The following SCD5 variants were observed in gnomAD, a reference collection of about 807,000 sequenced individuals.
SCD5 encodes stearoyl-CoA desaturase 5, also known as acyl-CoA-desaturase 4.
A neutral mutation model predicts 30.4 loss-of-function variants in SCD5; 20 were observed. The observed-to-expected ratio is 0.66, with a 90% CI of 0.46 to 0.96. The LOEUF (loss-of-function observed/expected upper bound fraction) is 0.96, where lower values mean the gene tolerates loss of function less well. SCD5 is among the 40% of genes least tolerant of loss of function. The pLI is 0.00. For missense variants in SCD5, 381 were observed against 443.3 expected, an observed-to-expected ratio of 0.86 and a Z score of 1.26; for synonymous variants, 173 against 176.4, an observed-to-expected ratio of 0.98 and a Z score of 0.16.
chr4:82,792,010 C>G (rs530479220), intron 1 of SCD5, among the ~76,000 whole-genome samples: 1 of 152,294 alleles, frequency 6.6e-6, no homozygotes, highest in Non-Finnish European at 1.5e-5. Flanking sequence ...ATAATCCCAG[C>G]ACTTTGGGAG....
rs78416651 is a variant in SCD5, at chr4:82,762,788, A to T, written c.232+35518T>A. 5.3e-3 allele frequency among the ~76,000 whole-genome samples: 811 copies of T among 152,308 alleles called. 6 individuals carry two copies. The highest frequency in any genetic ancestry group is 0.019 in the African/African-American group (776 of 41,562). On this transcript the variant is annotated intron_variant, in intron 1 of 4. Coordinates refer to ENST00000319540, the MANE Select transcript of SCD5 (RefSeq NM_001037582.3). ...TCTTTCATTAATTCAAAAGGAAAAA[A>T]ATATAGTGACACTTTAATTAACAAA...
chr4:82,747,059 T>G (rs1273004814), intron 1 of SCD5, among the ~76,000 whole-genome samples: 2 of 99,824 alleles, frequency 2.0e-5, no homozygotes, highest in Non-Finnish European at 5.2e-5. Context: ...GAGAAAAGTC[T>G]GGGCAACCTG....
intron 2 of SCD5, among the ~76,000 whole-genome samples, chr4:82,695,747 A>G (rs1719683801): frequency 6.6e-6 from 1 of 152,118 alleles, no homozygotes; most frequent in South Asian, 2.1e-4. Context: ...GTATGTTCTA[A>G]TCATTCCTCT....
intron 3 of SCD5, among the ~76,000 whole-genome samples, chr4:82,675,661 G>A (rs1195483562): frequency 6.6e-6 from 1 of 152,182 alleles, no homozygotes; most frequent in African/African-American, 2.4e-5. Flanking sequence ...AACCTCTAGA[G>A]GAATGTCTTC....
intron 3 of SCD5, among the ~76,000 whole-genome samples, chr4:82,662,345 G>A (rs1560527181): frequency 6.6e-6 from 1 of 151,978 alleles, no homozygotes; most frequent in Non-Finnish European, 1.5e-5. Flanking sequence ...GAGCCACCAC[G>A]CCCAGCTATC....
chr4:82,761,318 C>T (rs915935697), intron 1 of SCD5, among the ~76,000 whole-genome samples: 22 of 152,174 alleles, frequency 1.4e-4, no homozygotes, highest in Non-Finnish European at 2.6e-4. Flanking sequence ...TTGTCTTCTC[C>T]CTTCTAAGCT....
intron 1 of SCD5, among the ~76,000 whole-genome samples, chr4:82,792,901 G>A (rs2148854797): frequency 6.6e-6 from 1 of 152,252 alleles, no homozygotes; most frequent in East Asian, 1.9e-4. Flanking sequence ...TCATTTCATG[G>A]TCACAGTGCC....
chr4:82,753,814 A>C (rs1455773909), intron 1 of SCD5, among the ~76,000 whole-genome samples: 1 of 152,054 alleles, frequency 6.6e-6, no homozygotes, highest in Non-Finnish European at 1.5e-5. Context: ...ATGAAAATCC[A>C]ACTGAGAGGG....
chr4:82,726,762 A>G (rs959445904), intron 1 of SCD5, among the ~76,000 whole-genome samples: 1 of 152,190 alleles, frequency 6.6e-6, no homozygotes, highest in Non-Finnish European at 1.5e-5. Flanking sequence ...CTGTGAGGCC[A>G]CAGTGTGCAG....
Position 82,752,732 on chromosome 4 carries a change from C to A in SCD5, c.232+45574G>T, listed in dbSNP as rs1108017. Among the ~76,000 whole-genome samples the A allele has an allele frequency of 6.5e-3, 995 of 152,246 alleles. 8 individuals carry two copies. Among genetic ancestry groups the A allele is most frequent in the Middle Eastern group, 0.024 (7 of 294 alleles). ...TGAGCACACACACATCCACTCAGTT[C>A]TTTCACGCTTCTCTCTCTTCCCCAT... is the stretch of plus-strand genomic sequence containing the variant. On this transcript the variant is annotated intron_variant, in intron 1 of 4. Coordinates refer to ENST00000319540, the MANE Select transcript of SCD5 (RefSeq NM_001037582.3).
At chr4:82,743,178 C>T (rs1319837217) in intron 1 of SCD5, among the ~76,000 whole-genome samples, 2 of 152,126 alleles carry the variant, frequency 1.3e-5, no homozygotes, top group Non-Finnish European at 2.9e-5. Context: ...TGAGACAGAG[C>T]TTGTAACTTA....
intron 1 of SCD5, among the ~76,000 whole-genome samples, chr4:82,746,835 GA>G (rs1720993957): frequency 6.6e-6 from 1 of 152,108 alleles, no homozygotes; most frequent in Admixed American, 6.5e-5. Context: ...ACCCAAGCGA[GA>G]ATAGGCACTC....
At chr4:82,789,967 G>T (rs2148854021) in intron 1 of SCD5, among the ~76,000 whole-genome samples, 1 of 152,220 alleles carries the variant, frequency 6.6e-6, no homozygotes, top group Non-Finnish European at 1.5e-5. Context: ...TAGTGTATTT[G>T]TTTGTTAGTA....
At chr4:82,756,360 T>C (rs560088537) in intron 1 of SCD5, among the ~76,000 whole-genome samples, 5 of 152,312 alleles carry the variant, frequency 3.3e-5, no homozygotes, top group Admixed American at 2.0e-4. Flanking sequence ...TGAGTCCCAG[T>C]TGGTTACTTG....
chr4:82,768,247 T>A (rs1578060204), intron 1 of SCD5, among the ~76,000 whole-genome samples: 1 of 152,330 alleles, frequency 6.6e-6, no homozygotes, highest in South Asian at 2.1e-4. Flanking sequence ...TTAAGGGACA[T>A]TTGCTGGCTT....
chr4:82,678,096 G>A (rs896661756), intron 3 of SCD5, among the ~76,000 whole-genome samples: 1 of 151,918 alleles, frequency 6.6e-6, no homozygotes, highest in East Asian at 1.9e-4. Context: ...AGTTTAGAAC[G>A]TGTTCTAAAC....
At chr4:82,764,333 T>C (rs35518507) in intron 1 of SCD5, among the ~76,000 whole-genome samples, 14,654 of 152,268 alleles carry the variant, frequency 0.096, 731 homozygotes, top group South Asian at 0.12. Flanking sequence ...CATTTGGTGC[T>C]ATTATTAATA....
At chr4:82,684,778 G>C (rs1327384922) in intron 2 of SCD5, among the ~76,000 whole-genome samples, 1 of 152,142 alleles carries the variant, frequency 6.6e-6, no homozygotes, top group African/African-American at 2.4e-5. Context: ...TTTGCATGGT[G>C]CTGATAGCTC....
intron 3 of SCD5, among the ~76,000 whole-genome samples, chr4:82,638,017 C>T (rs1351257298): frequency 6.6e-6 from 1 of 152,082 alleles, no homozygotes; most frequent in African/African-American, 2.4e-5. Flanking sequence ...ACTGACAGGC[C>T]CCAGTGTGTG....
Sources: gnomAD v4.1 joint callset for allele counts (sites outside exome capture counted in the v4.1 genomes callset) on GRCh38, gnomAD v4.1.1 for gene constraint, MANE v1.5 for transcripts, NCBI Gene and HGNC (gene_info 2026-07-23, HGNC 2026-07-21) for gene names.